The following RBFOX1 variants were observed in gnomAD, a reference collection of about 807,000 sequenced individuals.
RBFOX1 encodes the protein RNA binding fox-1 homolog 1, also known as RNA binding protein fox-1 homolog 1.
A neutral mutation model predicts 57.7 loss-of-function variants in RBFOX1; 8 were observed. The ratio of observed to expected loss-of-function variants is 0.14; its 90% CI spans 0.08 to 0.25. RBFOX1 has a LOEUF of 0.25. Among genes scored for constraint, RBFOX1 ranks in the 10% least tolerant of loss-of-function variants. The pLI is 1.00. For missense variants in RBFOX1, 611 were observed against 548.5 expected (o/e 1.11, Z -1.14); for synonymous variants, 326 against 222.4 (o/e 1.47, Z -4.15).
chr16:6,828,334 G>A (rs2154282859), intron 3 of RBFOX1, among the ~76,000 whole-genome samples: 1 of 152,126 alleles, frequency 6.6e-6, no homozygotes, highest in Middle Eastern at 3.4e-3. Context: ...GAGCATCGTG[G>A]CCAACATGAT....
chr16:6,567,824 T>C (rs1003682587), intron 2 of RBFOX1, among the ~76,000 whole-genome samples: 2 of 152,178 alleles, frequency 1.3e-5, no homozygotes, highest in African/African-American at 4.8e-5. Flanking sequence ...TTAAAATTTT[T>C]TAAAATTCCT....
At chr16:5,914,359 C>G (rs954526878) in intron 4 of RBFOX1, among the ~76,000 whole-genome samples, 2 of 152,212 alleles carry the variant, frequency 1.3e-5, no homozygotes, top group African/African-American at 4.8e-5. Context: ...GGTGCAGGAT[C>G]TCTCATGAGT....
chr16:6,556,428 G>C (rs2153893426), intron 2 of RBFOX1, among the ~76,000 whole-genome samples: 1 of 152,266 alleles, frequency 6.6e-6, no homozygotes. Flanking sequence ...ATTGGGCACT[G>C]TCCTCGGTCA....
Position 7,159,202 on chromosome 16 carries a change from G to A in RBFOX1, c.27+107104G>A, listed in dbSNP as rs74009271. On this transcript the variant is annotated intron_variant, in intron 4 of 15. Coordinates refer to ENST00000550418, the MANE Select transcript of RBFOX1 (RefSeq NM_018723.4). ...TTGTTGCATGTGCTAATAGTTGATT[G>A]TCTTAGATTGCTGAGTAGTATTCTA... Among the ~76,000 whole-genome samples, 1,115 of 152,218 alleles carry A rather than the reference G, an allele frequency of 7.3e-3. 19 individuals carry two copies. The highest frequency in any genetic ancestry group is 0.026 in the African/African-American group (1,068 of 41,510).
At chr16:6,232,525 T>G (rs1004129908) in intron 1 of RBFOX1, among the ~76,000 whole-genome samples, 39 of 152,214 alleles carry the variant, frequency 2.6e-4, no homozygotes, top group African/African-American at 8.4e-4. Flanking sequence ...TCGTTTCTGC[T>G]CCACCCTTCC....
intron 2 of RBFOX1, among the ~76,000 whole-genome samples, chr16:6,549,144 G>GA (rs2096936540): frequency 6.0e-5 from 2 of 33,238 alleles, no homozygotes; most frequent in Non-Finnish European, 1.2e-4. Context: ...AGGAGGAGGA[G>GA]GGAAGGAGGA....
At chr16:5,521,820 C>G (rs374765417) in intron 2 of RBFOX1, among the ~76,000 whole-genome samples, 21 of 152,166 alleles carry the variant, frequency 1.4e-4, no homozygotes, top group African/African-American at 4.3e-4. Context: ...TCTCTCACCC[C>G]GGAAGTTCAC....
At chr16:6,256,637 A>C (rs2152612759) in intron 1 of RBFOX1, among the ~76,000 whole-genome samples, 1 of 152,236 alleles carries the variant, frequency 6.6e-6, no homozygotes, top group East Asian at 1.9e-4. Flanking sequence ...AGCACCACTG[A>C]CACTTTAGCC....
intron 4 of RBFOX1, among the ~76,000 whole-genome samples, chr16:7,265,987 T>C (rs1291233717): frequency 3.5e-5 from 5 of 143,640 alleles, no homozygotes; most frequent in African/African-American, 1.1e-4. Flanking sequence ...TTTTTTTTTT[T>C]TTTCTGAGAG....
At chr16:7,080,099 A>G (rs1177339709) in intron 4 of RBFOX1, among the ~76,000 whole-genome samples, 3 of 147,346 alleles carry the variant, frequency 2.0e-5, no homozygotes, top group Non-Finnish European at 4.5e-5. Flanking sequence ...ATGTATATAT[A>G]TATAAAACCA....
intron 1 of RBFOX1, among the ~76,000 whole-genome samples, chr16:5,401,819 G>C (rs147251281): frequency 1.5e-5 from 2 of 136,208 alleles, no homozygotes; most frequent in African/African-American, 5.5e-5. Context: ...TCTCCTTCTC[G>C]TGCTGCTGCT....
chr16:7,671,688 G>A (rs940894241), intron 13 of RBFOX1: 37 of 1,218,652 alleles, frequency 3.0e-5, no homozygotes, highest in Non-Finnish European at 4.0e-5. Flanking sequence ...CTGGGGAGGG[G>A]AACAGTTCTC....
At chr16:5,996,351 G>T (rs555881046) in intron 4 of RBFOX1, among the ~76,000 whole-genome samples, 10 of 152,072 alleles carry the variant, frequency 6.6e-5, no homozygotes, top group Admixed American at 2.6e-4. Context: ...GAGAACCCAG[G>T]TCATGACAAT....
chr16:7,086,198 C>T (rs2059958105), intron 4 of RBFOX1, among the ~76,000 whole-genome samples: 1 of 152,082 alleles, frequency 6.6e-6, no homozygotes, highest in Non-Finnish European at 1.5e-5. Flanking sequence ...CCACAGTTTA[C>T]CTAATGCTTT....
chr16:7,394,388 G>C (rs753624534), intron 4 of RBFOX1, among the ~76,000 whole-genome samples: 3 of 151,658 alleles, frequency 2.0e-5, no homozygotes, highest in Non-Finnish European at 4.4e-5. Context: ...AGTCCCTTCT[G>C]TCTCCTTAGT....
In RBFOX1 at chr16:5,503,376, A is replaced by G. The variant is rs117466444; in HGVS notation, c.258+36122A>G. ...CTTTTTGGAATAGGTTTACTGAGAT[A>G]TAATTCACACACCATATAATTCATC... On this transcript the variant is annotated intron_variant, in intron 2 of 2. Transcript: ENST00000585867. Among the ~76,000 whole-genome samples the G allele has an allele frequency of 3.0e-3, 455 of 152,332 alleles. 24 individuals are homozygous for G. In the East Asian group the frequency reaches 0.082, roughly 27 times the overall value.
At chr16:6,589,879 G>A (rs796899784) in intron 2 of RBFOX1, among the ~76,000 whole-genome samples, 10 of 152,238 alleles carry the variant, frequency 6.6e-5, no homozygotes, top group African/African-American at 2.2e-4. Flanking sequence ...TCACTGTTTC[G>A]ATTTCCTCAG....
chr16:6,483,379 G>T (rs2095406360), intron 2 of RBFOX1: 1 of 1,521,430 alleles, frequency 6.6e-7, no homozygotes, highest in Non-Finnish European at 8.8e-7. Flanking sequence ...CGCGCGGCGC[G>T]CACGACAGAT....
intron 4 of RBFOX1, among the ~76,000 whole-genome samples, chr16:7,414,939 C>T (rs1367745047): frequency 2.0e-5 from 3 of 152,138 alleles, no homozygotes; most frequent in Non-Finnish European, 4.4e-5. Context: ...ATCCCTGTAA[C>T]AGATTATGCA....
Sources: gnomAD v4.1 joint callset for allele counts (sites outside exome capture counted in the v4.1 genomes callset) on GRCh38, gnomAD v4.1.1 for gene constraint, MANE v1.5 for transcripts, NCBI Gene and HGNC (gene_info 2026-07-23, HGNC 2026-07-21) for gene names.